Variants in PCDHGA6 observed in about 807,000 individuals in gnomAD.
PCDHGA6 encodes protocadherin gamma subfamily A, 6.
A neutral mutation model predicts 60.6 loss-of-function variants in PCDHGA6; 41 were observed. The ratio of observed to expected loss-of-function variants is 0.68; its 90% CI spans 0.53 to 0.88. The LOEUF is 0.88. PCDHGA6 is among the 40% of genes least tolerant of loss of function. The pLI is 0.00. For synonymous variants in PCDHGA6, 594 were observed against 524.4 expected (o/e 1.13, Z -1.81); for missense variants, 1,312 against 1,203.0 (o/e 1.09, Z -1.34).
At chr5:141,424,723 T>A (rs2096836963) in intron 1 of PCDHGA6, 2 of 152,144 alleles carry the variant, frequency 1.3e-5, no homozygotes, top group African/African-American at 4.8e-5. Context: ...TAGTTGGGAG[T>A]CATAGATTCC....
chr5:141,376,160 C>G lies in PCDHGA6; in HGVS notation c.2077C>G (p.Leu693Val). The change falls in exon 1 of 4, where the codon CTG (leucine) becomes GTG (valine). Residue 693 changes from leucine (L) to valine (V), a missense_variant. Transcript: ENST00000517434. Reference protein sequence around the residue: ...KPNDSDLTLYLVVAVAAVSCV... With the variant: ...KPNDSDLTLYVVVAVAAVSCV... The stretch of plus-strand genomic sequence containing the variant: ...CAACGATTCGGACCTCACTCTGTAC[C>G]TGGTGGTGGCGGTGGCCGCGGTCTC... 1 of 1,614,010 alleles carries G rather than the reference C, an allele frequency of 6.2e-7. No homozygotes were observed. Among genetic ancestry groups the G allele is most frequent in the South Asian group, 1.1e-5 (1 of 91,062 alleles).
At position 141,408,137 on chromosome 5, in the gene PCDHGA6, T is replaced by C; in HGVS notation, c.2424+31630T>C. ...CTCCTGTCCTGGGCCGAATGCTCTT[T>C]TAGCGCGGTAGAGTGCACTTTCTCC... On this transcript the variant is annotated intron_variant, in intron 1 of 3. Coordinates refer to ENST00000517434, the MANE Select transcript of PCDHGA6 (RefSeq NM_018919.3). 4.0e-6 allele frequency: 6 copies of C among 1,488,870 alleles called. No individual in the cohort carries two copies. The South Asian group carries it at 8.2e-5, about 20-fold the overall frequency. 92.2% of individuals were successfully genotyped at this position (1,488,870 alleles called of 1,614,324 possible).
rs1027897777 is a variant in PCDHGA6, at chr5:141,510,812, C to T, written c.2573-135C>T. 151 of 1,531,674 alleles carry T rather than the reference C, an allele frequency of 9.9e-5. 1 individual carries two copies. The highest frequency in any genetic ancestry group is 2.5e-5 in the South Asian group (2 of 80,152). 94.9% of individuals were successfully genotyped at this position (1,531,674 alleles called of 1,614,324 possible). A position where few individuals can be genotyped will look rare whatever the true frequency, so the allele number is the denominator to read the frequency against. On this transcript the variant is annotated intron_variant, in intron 3 of 3. Coordinates refer to ENST00000517434, the MANE Select transcript of PCDHGA6 (RefSeq NM_018919.3). ...TGTGAAGAGAGACTACCTTGGTGAC[C>T]CCTATATTCCCAGTGCTCAGCGTGG...
chr5:141,450,650 C>G (rs1220350105), intron 1 of PCDHGA6, among the ~76,000 whole-genome samples: 1 of 151,618 alleles, frequency 6.6e-6, no homozygotes, highest in Non-Finnish European at 1.5e-5. Context: ...CCATGCCTGG[C>G]TAATTTTTGT....
intron 1 of PCDHGA6, among the ~76,000 whole-genome samples, chr5:141,459,949 G>T (rs1284876601): frequency 2.0e-5 from 3 of 152,124 alleles, no homozygotes; most frequent in Non-Finnish European, 4.4e-5. Context: ...GTGATGGCAG[G>T]TGCCTGTAAT....
At chr5:141,382,344 A>T (rs1323658613) in intron 1 of PCDHGA6, among the ~76,000 whole-genome samples, 1 of 152,224 alleles carries the variant, frequency 6.6e-6, no homozygotes, top group Non-Finnish European at 1.5e-5. Context: ...AAAATCTTTC[A>T]TATGTATTTA....
At position 141,487,543 on chromosome 5, in the gene PCDHGA6, A is replaced by G. The variant is rs2099649285; in HGVS notation, c.2425-7264A>G. On this transcript the variant is annotated intron_variant, in intron 1 of 3. Coordinates refer to ENST00000517434, the MANE Select transcript of PCDHGA6 (RefSeq NM_018919.3). This position sits in a 1 kb window ranked among gnomAD's most constrained non-coding sequence, Gnocchi z 5.0. ...GTGATAGCTTCATGATGGTGAAGTC[A>G]CCCAGTGCACCTATGGCAGGGGAGC... is the stretch of plus-strand genomic sequence containing the variant. The G allele has an allele frequency of 3.7e-6, 6 of 1,614,114 alleles. No homozygotes were observed. In the South Asian group the frequency reaches 5.5e-5, roughly 15 times the overall value.
In PCDHGA6 at chr5:141,476,883, A is replaced by G. The variant is rs1266909654; in HGVS notation, c.2425-17924A>G. ...TTGTACCGGGCGCGCGTCCTGGAGG[A>G]TGCACCCTCCGGCACGCGCGTGGTA... On this transcript the variant is annotated intron_variant, in intron 1 of 3. Coordinates refer to ENST00000517434, the MANE Select transcript of PCDHGA6 (RefSeq NM_018919.3). This position sits in a 1 kb window ranked among gnomAD's most constrained non-coding sequence, Gnocchi z 7.6. 1 of 1,613,916 alleles carries G rather than the reference A, an allele frequency of 6.2e-7. No individual in the cohort carries two copies. The highest frequency in any genetic ancestry group is 8.5e-7 in the Non-Finnish European group (1 of 1,180,026).
chr5:141,404,907 C>T (rs2094582940), intron 1 of PCDHGA6: 1 of 1,613,890 alleles, frequency 6.2e-7, no homozygotes. Context: ...CATGGCCAGC[C>T]CCCTCTCTCG....
At position 141,431,998 on chromosome 5, in the gene PCDHGA6, A is replaced by G. The variant is rs201105272; in HGVS notation, c.2424+55491A>G. The G allele has an allele frequency of 1.2e-6, 2 of 1,614,176 alleles. No homozygotes were observed. Among genetic ancestry groups the G allele is most frequent in the Admixed American group, 1.7e-5 (1 of 60,030 alleles). On this transcript the variant is annotated intron_variant, in intron 1 of 3. Coordinates refer to ENST00000517434, the MANE Select transcript of PCDHGA6 (RefSeq NM_018919.3). This position sits in a 1 kb window ranked among gnomAD's most constrained non-coding sequence, Gnocchi z 4.8. The stretch of plus-strand genomic sequence containing the variant: ...TCACAGACATAGTCTTGGATAGGGA[A>G]CAGGTTCCTAGCTACAACATCACAG...
intron 1 of PCDHGA6, chr5:141,427,624 C>T (rs2097051687): frequency 1.4e-6 from 1 of 698,516 alleles, no homozygotes; most frequent in South Asian, 1.5e-5. Context: ...AACGACAATG[C>T]TCCGGTTTTC....
intron 1 of PCDHGA6, chr5:141,433,178 A>G: frequency 6.2e-7 from 1 of 1,608,316 alleles, no homozygotes. Context: ...TCATGGGTTA[A>G]TTGAGGTGAG....
intron 1 of PCDHGA6, chr5:141,405,544 C>T: frequency 1.6e-6 from 1 of 632,908 alleles, no homozygotes; most frequent in Non-Finnish European, 2.7e-6. Context: ...CTCAGCCTCC[C>T]AAGTAGAGTA....
chr5:141,410,820 T>A (rs1032991309), intron 1 of PCDHGA6: 14 of 524,668 alleles, frequency 2.7e-5, no homozygotes, highest in Non-Finnish European at 4.1e-5. Context: ...TAAAATAATG[T>A]CACCAGACTG....
chr5:141,457,481 G>T (rs990111430), intron 1 of PCDHGA6, among the ~76,000 whole-genome samples: 1 of 152,212 alleles, frequency 6.6e-6, no homozygotes, highest in African/African-American at 2.4e-5. Context: ...CAGGGCCAGG[G>T]TTAGTCTAAA....
chr5:141,450,815 ATAT>A (rs1420984335), intron 1 of PCDHGA6, among the ~76,000 whole-genome samples: 6 of 126,742 alleles, frequency 4.7e-5, no homozygotes, highest in South Asian at 2.4e-4. Flanking sequence ...TATTTATTTA[ATAT>A]TATTATTATT....
intron 1 of PCDHGA6, among the ~76,000 whole-genome samples, chr5:141,438,216 T>A (rs2097938802): frequency 6.6e-6 from 1 of 152,158 alleles, no homozygotes; most frequent in Non-Finnish European, 1.5e-5. Flanking sequence ...TGGGAAGGGC[T>A]CTGGTTCAGG....
intron 1 of PCDHGA6, chr5:141,404,006 C>A: frequency 6.2e-7 from 1 of 1,613,804 alleles, no homozygotes; most frequent in Non-Finnish European, 8.5e-7. Context: ...CATTACATCT[C>A]TGTTTAGCCC....
intron 1 of PCDHGA6, among the ~76,000 whole-genome samples, chr5:141,450,829 A>ATTATTT (rs1554136902): frequency 7.4e-6 from 1 of 135,144 alleles, no homozygotes; most frequent in Admixed American, 7.6e-5. Context: ...TATTATTATT[A>ATTATTT]TTTTTTTTTT....
Sources: allele counts gnomAD v4.1 joint callset (sites outside exome capture counted in the v4.1 genomes callset), GRCh38; gene constraint gnomAD v4.1.1; non-coding constraint Gnocchi (gnomAD v3.1); transcripts MANE v1.5; gene names NCBI Gene and HGNC (gene_info 2026-07-23, HGNC 2026-07-21).